Variants in CMTM7 observed in about 807,000 individuals in gnomAD.
CMTM7 encodes CKLF-like MARVEL transmembrane domain-containing protein 7.
CMTM7 carries 7 observed loss-of-function variants against 19.3 expected under a neutral mutation model. That is an observed-to-expected ratio of 0.36 (90% CI 0.21 to 0.68). CMTM7 has a LOEUF of 0.68. Ranked by LOEUF, CMTM7 falls within the 30% of genes least tolerant of loss-of-function variation. CMTM7 has a pLI of 0.60. For missense variants in CMTM7, 193 were observed against 232.6 expected, an observed-to-expected ratio of 0.83 and a Z score of 1.11; for synonymous variants, 87 against 99.3, an observed-to-expected ratio of 0.88 and a Z score of 0.74.
At chr3:32,400,399 C>CTTTTTTT (rs11425160) in intron 1 of CMTM7, among the ~76,000 whole-genome samples, 5 of 116,572 alleles carry the variant, frequency 4.3e-5, no homozygotes, top group Non-Finnish European at 4.9e-5. Flanking sequence ...TCTTCTTCTT[C>CTTTTTTT]TTTTTTTTTT....
Position 32,449,088 on chromosome 3 carries a change from G to A in CMTM7, c.334-366G>A, listed in dbSNP as rs1472082881. 6.6e-6 allele frequency among the ~76,000 whole-genome samples: 1 copy of A among 152,240 alleles called. No individual in the cohort carries two copies. The highest frequency in any genetic ancestry group is 6.5e-5 in the Admixed American group (1 of 15,286). The stretch of plus-strand genomic sequence containing the variant: ...AGCTTTGTTTAAACTCTCCAGCCGG[G>A]AAGTTGCAAGAAGCTCGTTTGCTTT... On this transcript the variant is annotated intron_variant, in intron 2 of 4. Transcript: ENST00000334983. This position sits in a 1 kb window ranked among gnomAD's most constrained non-coding sequence, Gnocchi z 4.5.
chr3:32,423,099 G>A (rs1297093336), intron 1 of CMTM7, among the ~76,000 whole-genome samples: 9 of 152,320 alleles, frequency 5.9e-5, no homozygotes, highest in African/African-American at 2.2e-4. Flanking sequence ...AATTAGGCTT[G>A]CTTCTGTGGC....
intron 1 of CMTM7, among the ~76,000 whole-genome samples, chr3:32,426,931 T>C (rs1696441890): frequency 6.6e-6 from 1 of 152,260 alleles, no homozygotes; most frequent in African/African-American, 2.4e-5. Flanking sequence ...TTATATACTT[T>C]ATGATGTGCT....
At chr3:32,445,167 C>T (rs1440942808) in intron 2 of CMTM7, among the ~76,000 whole-genome samples, 9 of 152,136 alleles carry the variant, frequency 5.9e-5, no homozygotes, top group South Asian at 2.1e-4. Context: ...GATATTTTTA[C>T]TTCTTCCTTT....
At position 32,452,453 on chromosome 3, in the gene CMTM7, C is replaced by G; in HGVS notation, c.494C>G (p.Ser165Trp). 1 of 1,614,126 alleles carries G rather than the reference C, an allele frequency of 6.2e-7. No homozygotes were observed. The highest frequency in any genetic ancestry group is 8.5e-7 in the Non-Finnish European group (1 of 1,180,018). ...AGCATATGGCTGTCCTATAAGATCT[C>G]GTGTGTAACCCAGTCCACAGGTGAG... is the stretch of plus-strand genomic sequence containing the variant. ...MASIWLSYKI[S>W]CVTQSTDAAV Residue 165 changes from serine to tryptophan, a missense_variant, in exon 4 of 5, where the codon TCG (serine) becomes TGG (tryptophan). Ser to Trp is a radical substitution (Grantham distance 177, BLOSUM62 -3). Coordinates refer to ENST00000334983, the MANE Select transcript of CMTM7 (RefSeq NM_138410.4).
intron 1 of CMTM7, among the ~76,000 whole-genome samples, chr3:32,403,493 A>T (rs1027903015): frequency 6.6e-6 from 1 of 152,136 alleles, no homozygotes; most frequent in Non-Finnish European, 1.5e-5. Flanking sequence ...GATTGCAGGC[A>T]TGAGCCATGG....
At chr3:32,443,751 G>C (rs936942712) in intron 2 of CMTM7, among the ~76,000 whole-genome samples, 1 of 152,158 alleles carries the variant, frequency 6.6e-6, no homozygotes, top group African/African-American at 2.4e-5. Context: ...TCTGATTCCA[G>C]CCATTCTAGT....
rs1027744785 is a variant in CMTM7, at chr3:32,449,179, A to G, written c.334-275A>G. 6.6e-6 allele frequency among the ~76,000 whole-genome samples: 1 copy of G among 152,182 alleles called. No homozygotes were observed. Among genetic ancestry groups the G allele is most frequent in the African/African-American group, 2.4e-5 (1 of 41,448 alleles). On this transcript the variant is annotated intron_variant, in intron 2 of 4. Transcript: ENST00000334983. The surrounding 1 kb of genome is among the most constrained non-coding windows in gnomAD (Gnocchi z 4.5). ...TGCTCTCAGGAGTAGAGGAGTCCTT[A>G]GTGGCTATCTCTGCTCACACCAGAA...
At chr3:32,441,529 G>C (rs1319190873) in intron 1 of CMTM7, among the ~76,000 whole-genome samples, 1 of 152,204 alleles carries the variant, frequency 6.6e-6, no homozygotes, top group Non-Finnish European at 1.5e-5. Flanking sequence ...GGATGGTTCT[G>C]CTTTGTTATT....
chr3:32,410,147 CA>C (rs1308744350), intron 1 of CMTM7, among the ~76,000 whole-genome samples: 5 of 152,168 alleles, frequency 3.3e-5, no homozygotes, highest in African/African-American at 4.8e-5. Context: ...TCCCCTGCAC[CA>C]CCCTGCTACC....
intron 1 of CMTM7, among the ~76,000 whole-genome samples, chr3:32,421,595 G>T (rs1575116197): frequency 1.3e-5 from 2 of 152,084 alleles, no homozygotes; most frequent in African/African-American, 2.4e-5. Flanking sequence ...TAGCTCTCTG[G>T]TGGTATTTAT....
chr3:32,408,597 G>T (rs1351350121), intron 1 of CMTM7, among the ~76,000 whole-genome samples: 3 of 152,144 alleles, frequency 2.0e-5, no homozygotes, highest in Non-Finnish European at 4.4e-5. Context: ...TTCTCAGATG[G>T]CAGGGTGGGG....
At chr3:32,402,406 C>G (rs1386070522) in intron 1 of CMTM7, among the ~76,000 whole-genome samples, 1 of 149,936 alleles carries the variant, frequency 6.7e-6, no homozygotes, top group Non-Finnish European at 1.5e-5. Flanking sequence ...GCCACTGTGC[C>G]CGGCCAGTTT....
chr3:32,409,124 G>A (rs770530878), intron 1 of CMTM7, among the ~76,000 whole-genome samples: 8 of 151,914 alleles, frequency 5.3e-5, no homozygotes, highest in Admixed American at 2.0e-4. Context: ...CTCATGATAC[G>A]CCCGCCTGGG....
chr3:32,420,113 T>G (rs1263504554), intron 1 of CMTM7, among the ~76,000 whole-genome samples: 6 of 152,224 alleles, frequency 3.9e-5, no homozygotes, highest in Non-Finnish European at 8.8e-5. Flanking sequence ...TGTTGTCACC[T>G]TAGAAGAACA....
chr3:32,436,328 G>A (rs952213270), intron 1 of CMTM7, among the ~76,000 whole-genome samples: 1 of 152,142 alleles, frequency 6.6e-6, no homozygotes, highest in African/African-American at 2.4e-5. Context: ...GCTATTAGAT[G>A]ATGGTGACTT....
At chr3:32,447,616 G>A (rs1023453289) in intron 2 of CMTM7, among the ~76,000 whole-genome samples, 12 of 151,808 alleles carry the variant, frequency 7.9e-5, no homozygotes, top group African/African-American at 2.7e-4. Flanking sequence ...CTTTTATTAG[G>A]TGCATATACG....
At chr3:32,442,684 T>C (rs147415958) in intron 2 of CMTM7, among the ~76,000 whole-genome samples, 1 of 152,204 alleles carries the variant, frequency 6.6e-6, no homozygotes, top group Non-Finnish European at 1.5e-5. Flanking sequence ...ATTTTCTGGC[T>C]AAAAGAGACT....
intron 1 of CMTM7, among the ~76,000 whole-genome samples, chr3:32,398,932 C>T (rs989084751): frequency 2.0e-5 from 3 of 152,020 alleles, no homozygotes; most frequent in African/African-American, 7.3e-5. Context: ...GAGTGGTGAT[C>T]GCCACGGCAC....
Sources: allele counts gnomAD v4.1 joint callset (sites outside exome capture counted in the v4.1 genomes callset), GRCh38; gene constraint gnomAD v4.1.1; non-coding constraint Gnocchi (gnomAD v3.1); transcripts MANE v1.5; gene names NCBI Gene and HGNC (gene_info 2026-07-23, HGNC 2026-07-21).